Variants in SUN1 observed in about 807,000 individuals in gnomAD.
SUN1 encodes SUN domain-containing protein 1.
Under a neutral mutation model 103.2 loss-of-function variants are expected in SUN1, and 61 were observed. The observed-to-expected ratio is 0.59, with a 90% CI of 0.48 to 0.73. The LOEUF (loss-of-function observed/expected upper bound fraction) is 0.73, where lower values mean the gene tolerates loss of function less well. Among genes scored for constraint, SUN1 ranks in the 30% least tolerant of loss-of-function variants. The pLI, the probability that SUN1 is intolerant of heterozygous loss-of-function variation, is 0.00. For missense variants in SUN1, 1,052 were observed against 1,034.6 expected, an observed-to-expected ratio of 1.02 and a Z score of -0.23; for synonymous variants, 490 against 425.7, an observed-to-expected ratio of 1.15 and a Z score of -1.86.
chr7:818,202 C>T (rs1782670720), intron 1 of SUN1, among the ~76,000 whole-genome samples: 1 of 152,236 alleles, frequency 6.6e-6, no homozygotes, highest in Admixed American at 6.5e-5. Flanking sequence ...ATTCTTCCGT[C>T]TCCCCAGGCC....
intron 1 of SUN1, among the ~76,000 whole-genome samples, chr7:836,240 G>C (rs150119018): frequency 6.6e-6 from 1 of 152,204 alleles, no homozygotes; most frequent in East Asian, 1.9e-4. Context: ...CTCCTGCAGA[G>C]AGAGAGGAGG....
intron 10 of SUN1, among the ~76,000 whole-genome samples, chr7:854,446 G>T (rs895694067): frequency 6.6e-6 from 1 of 152,258 alleles, no homozygotes; most frequent in African/African-American, 2.4e-5. Context: ...GTTCTCACTC[G>T]TATGGTCCCA....
rs1044408690 is a variant in SUN1 at position 863,235 on chromosome 7, C to T, written c.1864+1771C>T. On this transcript the variant is annotated intron_variant, in intron 15 of 18. Coordinates refer to ENST00000401592, the MANE Select transcript of SUN1 (RefSeq NM_001130965.3). ...CCCTGGAGTGCCGCCCTCCCGAGCT[C>T]GCCCTTGCTGCCCAGCATTCACCAG... is the stretch of plus-strand genomic sequence containing the variant. Among the ~76,000 whole-genome samples, 14 of 151,622 alleles carry T rather than the reference C, an allele frequency of 9.2e-5. No homozygotes were observed. The East Asian group carries it at 1.8e-3, about 19-fold the overall frequency.
At chr7:833,483 G>A (rs777311826) in intron 1 of SUN1, among the ~76,000 whole-genome samples, 35 of 152,068 alleles carry the variant, frequency 2.3e-4, no homozygotes, top group Middle Eastern at 3.4e-3. Context: ...GCTAATTTTT[G>A]TATTTTTAAT....
chr7:857,618 G>C (rs774232785), intron 12 of SUN1, among the ~76,000 whole-genome samples: 2 of 152,210 alleles, frequency 1.3e-5, no homozygotes, highest in Non-Finnish European at 2.9e-5. Context: ...ACATTTGTAT[G>C]TTACAGACAT....
At position 852,622 on chromosome 7, in the gene SUN1, A is replaced by T. The variant is rs758027769; in HGVS notation, c.865A>T (p.Ile289Phe). The change falls in exon 8 of 19, where the codon ATC becomes TTC. Residue 289 changes from isoleucine (I) to phenylalanine (F), a missense_variant. By Grantham distance (21) the Ile-to-Phe change is conservative. Around this residue, in one of 2 missense-constraint regions of SUN1, gnomAD observed 846 missense variants for 774.5 expected, o/e 1.09. Transcript: ENST00000401592. The stretch of plus-strand genomic sequence containing the variant: ...TGTTACTCCCAGGTGCCTTCGAAAC[A>T]TCTGCAAGTTTTTAGTCTTGCTCAT... The part of the protein sequence containing the change: ...VFLLTRCLRN[I>F]CKFLVLLIPL... 19 of 1,614,130 alleles carry T rather than the reference A, an allele frequency of 1.2e-5. 1 individual carries two copies. In the South Asian group the frequency reaches 2.1e-4, roughly 18 times the overall value.
intron 17 of SUN1, among the ~76,000 whole-genome samples, chr7:870,782 G>A (rs56205589): frequency 0.16 from 23,578 of 151,862 alleles, 2,006 homozygotes; most frequent in African/African-American, 0.18. Context: ...ATTAATTCCC[G>A]TGGACGAGAC....
At chr7:838,501 C>G (rs2128266812) in intron 1 of SUN1, among the ~76,000 whole-genome samples, 1 of 152,288 alleles carries the variant, frequency 6.6e-6, no homozygotes, top group Admixed American at 6.5e-5. Context: ...GGACTCAGGG[C>G]TCTAGCATAT....
intron 5 of SUN1, chr7:850,322 C>T: frequency 2.6e-6 from 1 of 383,740 alleles, no homozygotes; most frequent in Non-Finnish European, 4.8e-6. Flanking sequence ...CCACAGCCTC[C>T]TGAGTAGCTG....
At chr7:869,320 C>CTT (rs771410148) in intron 16 of SUN1, 29 bp from the exon 17 acceptor site, 92 of 1,608,324 alleles carry the variant, frequency 5.7e-5, no homozygotes, top group Non-Finnish European at 7.6e-5. Context: ...TGCTCACACT[C>CTT]TGAGTCCTCA....
chr7:816,103 AAGATGCAGACCCTTCCCCC>A (rs1207310355), upstream of SUN1: 65 of 208,906 alleles, frequency 3.1e-4, no homozygotes, highest in African/African-American at 2.2e-3. Context: ...CACCTTTCCG[AAGATGCAGACCCTTCCCCC>A]AGATGCAGAC....
chr7:824,120 A>G (rs1789056109), intron 1 of SUN1, among the ~76,000 whole-genome samples: 1 of 152,344 alleles, frequency 6.6e-6, no homozygotes, highest in South Asian at 2.1e-4. Context: ...TAAGGACGGG[A>G]GTATCCCTGC....
At chr7:826,369 C>T (rs927805975) in intron 1 of SUN1, among the ~76,000 whole-genome samples, 3 of 152,052 alleles carry the variant, frequency 2.0e-5, no homozygotes, top group African/African-American at 4.8e-5. Flanking sequence ...TGTGTGTGTG[C>T]GCCTGTGTGC....
At chr7:854,296 G>T (rs1048120426) in intron 10 of SUN1, among the ~76,000 whole-genome samples, 1 of 152,242 alleles carries the variant, frequency 6.6e-6, no homozygotes, top group Admixed American at 6.5e-5. Flanking sequence ...CCTCCGAGGC[G>T]GTGCGCGCAG....
At chr7:855,838 C>T (rs1346622713) in intron 11 of SUN1, among the ~76,000 whole-genome samples, 4 of 152,016 alleles carry the variant, frequency 2.6e-5, no homozygotes, top group African/African-American at 9.7e-5. Flanking sequence ...CCTCTGTCCG[C>T]CCAAGAGGGT....
chr7:872,646 T>A, intron 18 of SUN1, 84 bp downstream of exon 18: 1 of 1,100,480 alleles, frequency 9.1e-7, no homozygotes, highest in Non-Finnish European at 1.3e-6. Flanking sequence ...ATCAACAGAC[T>A]GGAAAGCAGC....
At position 832,540 on chromosome 7, in the gene SUN1, C is replaced by T; in HGVS notation, c.16C>T (p.Leu6Phe). The change falls in exon 1 of 19, where the codon CTT becomes TTT. Residue 6 changes from leucine (L) to phenylalanine (F), a missense_variant. Physicochemically the swap from Leu to Phe is conservative, Grantham distance 22. This residue lies in a region of SUN1 where 846 missense variants were observed against 774.5 expected (regional missense o/e 1.09). Coordinates refer to ENST00000401592, the MANE Select transcript of SUN1 (RefSeq NM_001130965.3). MDFSR[L>F]HMYSPPQCVP... ...AGTGGTGAACATGGATTTTTCTCGGCTTCACATGTACAGTCCTCCCCAGTG... is the reference window on the plus strand; with the variant it reads ...AGTGGTGAACATGGATTTTTCTCGGTTTCACATGTACAGTCCTCCCCAGTG... 6.2e-7 allele frequency: 1 copy of T among 1,613,444 alleles called. No individual in the cohort carries two copies. Among genetic ancestry groups the T allele is most frequent in the Non-Finnish European group, 8.5e-7 (1 of 1,179,654 alleles).
chr7:850,104 C>G, intron 5 of SUN1: 1 of 1,403,538 alleles, frequency 7.1e-7, no homozygotes, highest in Middle Eastern at 1.7e-4. Flanking sequence ...GTGGTTTGTG[C>G]TTGGAATTCA....
intron 15 of SUN1, among the ~76,000 whole-genome samples, chr7:863,322 G>A (rs955819466): frequency 2.6e-5 from 4 of 152,108 alleles, no homozygotes; most frequent in Non-Finnish European, 2.9e-5. Context: ...GTTCACCAGC[G>A]CCAGGGCCCC....
Sources: gnomAD v4.1 joint callset for allele counts (sites outside exome capture counted in the v4.1 genomes callset) on GRCh38, gnomAD v4.1.1 for gene constraint, gnomAD v4.1.1 regional missense constraint, MANE v1.5 for transcripts, NCBI Gene and HGNC (gene_info 2026-07-23, HGNC 2026-07-21) for gene names.